CSPP1: variants seen among roughly 807,000 people sequenced by gnomAD.
CSPP1 encodes centrosome and spindle pole associated protein 1.
CSPP1 carries 126 observed loss-of-function variants against 164.4 expected under a neutral mutation model. The observed-to-expected ratio is 0.77, with a 90% CI of 0.66 to 0.89. CSPP1 has a LOEUF of 0.89. CSPP1 is among the 40% of genes least tolerant of loss of function. The probability of loss-of-function intolerance (pLI) is 0.00; values close to 1 mark genes in which losing one functional copy is unlikely to be tolerated. For synonymous variants in CSPP1, 472 were observed against 476.7 expected, an observed-to-expected ratio of 0.99 and a Z score of 0.13; for missense variants, 1,395 against 1,449.8, an observed-to-expected ratio of 0.96 and a Z score of 0.61.
At chr8:67,162,482 T>G (rs1416125133) in intron 22 of CSPP1, among the ~76,000 whole-genome samples, 1 of 152,214 alleles carries the variant, frequency 6.6e-6, no homozygotes, top group Non-Finnish European at 1.5e-5. Context: ...ACAGGCTAAT[T>G]AGCAGAAGGT....
intron 21 of CSPP1, among the ~76,000 whole-genome samples, chr8:67,161,337 A>G (rs919694754): frequency 6.6e-6 from 1 of 152,190 alleles, no homozygotes; most frequent in African/African-American, 2.4e-5. Context: ...TTAATACACT[A>G]TAAACTGAAA....
In CSPP1 at chr8:67,161,837, TC is replaced by T; in HGVS notation, c.2567del (p.Pro856LeufsTer54). 2 of 1,613,444 alleles carry T rather than the reference TC, an allele frequency of 1.2e-6. No individual in the cohort carries two copies. The highest frequency in any genetic ancestry group is 1.7e-6 in the Non-Finnish European group (2 of 1,179,708). ...ACATGAGACAGCCTTCTCCTATAGT[TC>T]CTGCTCTTCAGAACAAAATTGCAAG... ...KHMRQPSPIV[P>X]ALQNKIASKL... On this transcript the variant is annotated frameshift_variant, in exon 22 of 31. Coordinates refer to ENST00000678616, the MANE Select transcript of CSPP1 (RefSeq NM_001382391.1). LOFTEE classifies it high-confidence loss of function.
In CSPP1 at chr8:67,132,090, C is replaced by G. The variant is rs757078413; in HGVS notation, c.1827+10C>G. 1 of 1,609,052 alleles carries G rather than the reference C, an allele frequency of 6.2e-7. No individual in the cohort carries two copies. The highest frequency in any genetic ancestry group is 8.5e-7 in the Non-Finnish European group (1 of 1,177,448). On this transcript the variant is annotated intron_variant, in intron 16 of 30. Transcript: ENST00000678616. The stretch of plus-strand genomic sequence containing the variant: ...GGCTTTGCAGCAGCAGGTATTGATT[C>G]ATTTACTCATTTACTGTTGAACCTC...
chr8:67,074,775 TA>T, intron 2 of CSPP1: 1 of 313,770 alleles, frequency 3.2e-6, no homozygotes, highest in South Asian at 2.6e-5. Context: ...ATAAATTTCT[TA>T]AAATAATTGC....
chr8:67,146,339 T>C (rs757713150), intron 17 of CSPP1, among the ~76,000 whole-genome samples: 3 of 151,820 alleles, frequency 2.0e-5, no homozygotes, highest in Non-Finnish European at 4.4e-5. Context: ...GCCCAGCTGG[T>C]CTCAAACTCC....
intron 15 of CSPP1, among the ~76,000 whole-genome samples, chr8:67,125,990 G>A (rs1367187085): frequency 2.0e-5 from 3 of 152,134 alleles, no homozygotes; most frequent in East Asian, 1.9e-4. Context: ...GCGCCACCAC[G>A]CTTGGTTAAT....
At chr8:67,141,289 T>G (rs1416715041) in intron 17 of CSPP1, among the ~76,000 whole-genome samples, 1 of 152,134 alleles carries the variant, frequency 6.6e-6, no homozygotes, top group African/African-American at 2.4e-5. Flanking sequence ...AGAAAATGTT[T>G]CCACATTATT....
chr8:67,137,468 G>A lies in CSPP1; in HGVS notation c.1840G>A (p.Glu614Lys), dbSNP rs909832756. Residue 614 changes from glutamate to lysine, a missense_variant, in exon 17 of 31, where the codon GAA (glutamate) becomes AAA (lysine). Glu to Lys is a moderately conservative substitution (Grantham distance 56). Coordinates refer to ENST00000678616, the MANE Select transcript of CSPP1 (RefSeq NM_001382391.1). ...EALQQQIRER[E>K]ERRKKEREEK... The stretch of plus-strand genomic sequence containing the variant: ...TTATGTTGTCAAGATTCGGGAAAGA[G>A]AAGAAAGAAGGAAGAAAGAACGTGA... 6.6e-7 allele frequency: 1 copy of A among 1,520,610 alleles called. No individual in the cohort carries two copies. Among genetic ancestry groups the A allele is most frequent in the African/African-American group, 1.4e-5 (1 of 71,476 alleles). 94.2% of individuals were successfully genotyped at this position (1,520,610 alleles called of 1,614,324 possible). A position where few individuals can be genotyped will look rare whatever the true frequency, so the allele number is the denominator to read the frequency against.
intron 7 of CSPP1, among the ~76,000 whole-genome samples, chr8:67,101,193 G>A (rs1814033933): frequency 6.6e-6 from 1 of 152,140 alleles, no homozygotes; most frequent in South Asian, 2.1e-4. Flanking sequence ...ATTGTGGGAT[G>A]GTTACGTAGG....
At chr8:67,183,841 GA>G (rs1237809602) in intron 28 of CSPP1, among the ~76,000 whole-genome samples, 1 of 143,460 alleles carries the variant, frequency 7.0e-6, no homozygotes, top group Non-Finnish European at 1.5e-5. Context: ...AAAAAATTGG[GA>G]ATTTTTTTTT....
At chr8:67,075,708 G>A (rs1807773785) in intron 2 of CSPP1, among the ~76,000 whole-genome samples, 1 of 152,178 alleles carries the variant, frequency 6.6e-6, no homozygotes, top group Non-Finnish European at 1.5e-5. Context: ...CATGTACCAG[G>A]AATGCCAAGG....
chr8:67,131,003 C>CA (rs998362672), intron 15 of CSPP1, among the ~76,000 whole-genome samples: 1 of 151,836 alleles, frequency 6.6e-6, no homozygotes, highest in African/African-American at 2.4e-5. Context: ...CAAAAGAAAA[C>CA]AAAAAATTAT....
In CSPP1 at chr8:67,172,451, T is replaced by C. The variant is rs1162661826; in HGVS notation, c.2864T>C (p.Met955Thr). 3.7e-6 allele frequency: 6 copies of C among 1,613,040 alleles called. No homozygotes were observed. The highest frequency in any genetic ancestry group is 2.5e-6 in the Non-Finnish European group (3 of 1,179,146). Residue 955 changes from methionine (M) to threonine (T), a missense_variant, in exon 25 of 31, where the codon ATG (methionine) becomes ACG (threonine). Physicochemically the swap from Met to Thr is moderately conservative, Grantham distance 81. Transcript: ENST00000678616. ...KERNPMDIFD[M>T]ARHRLQAPVR... is the part of the protein sequence containing the mutation. ...AGGAATCCCATGGATATATTTGATA[T>C]GGCTAGACATCGGTTGCAAGCTCCT...
Position 67,196,411 on chromosome 8 carries a change from C to CATT in CSPP1, c.*819_*820insTTA, listed in dbSNP as rs755914243. The CATT allele has an allele frequency of 3.3e-5, 5 of 152,150 alleles. No homozygotes were observed. Among genetic ancestry groups the CATT allele is most frequent in the Non-Finnish European group, 7.4e-5 (5 of 68,022 alleles). 9.4% of individuals were successfully genotyped at this position (152,150 alleles called of 1,614,324 possible). On this transcript the variant is annotated 3_prime_UTR_variant, in exon 31 of 31. Transcript: ENST00000678616. ...AGTGAGTCCATGTGAGTTTTCTAAT[C>CATT]ACTCAGTAAGTGATACTTCTAAAAA... is the stretch of plus-strand genomic sequence containing the variant.
intron 3 of CSPP1, among the ~76,000 whole-genome samples, chr8:67,076,946 A>G (rs1410103642): frequency 6.6e-6 from 1 of 152,196 alleles, no homozygotes; most frequent in Non-Finnish European, 1.5e-5. Flanking sequence ...AAATATGCTT[A>G]AAGGGTACAA....
intron 13 of CSPP1, among the ~76,000 whole-genome samples, chr8:67,117,714 T>G (rs2129551228): frequency 1.3e-5 from 2 of 152,314 alleles, no homozygotes; most frequent in Admixed American, 1.3e-4. Flanking sequence ...TTGTCCTTCC[T>G]CTAACACACA....
intron 17 of CSPP1, among the ~76,000 whole-genome samples, chr8:67,148,643 T>C (rs1235342384): frequency 2.0e-5 from 3 of 152,250 alleles, no homozygotes; most frequent in Non-Finnish European, 4.4e-5. Context: ...CTAATTGTGA[T>C]TCATGTTCAA....
chr8:67,111,163 T>A (rs948175196), intron 9 of CSPP1, among the ~76,000 whole-genome samples: 1 of 152,184 alleles, frequency 6.6e-6, no homozygotes, highest in African/African-American at 2.4e-5. Context: ...TTCCAGATCT[T>A]GCATATTTAG....
chr8:67,160,597 A>C (rs570345690), intron 21 of CSPP1, among the ~76,000 whole-genome samples: 1 of 152,104 alleles, frequency 6.6e-6, no homozygotes, highest in Admixed American at 6.5e-5. Context: ...TTAATTGTAA[A>C]GTACCATAAA....
Sources: gnomAD v4.1 joint callset for allele counts (sites outside exome capture counted in the v4.1 genomes callset) on GRCh38, gnomAD v4.1.1 for gene constraint, MANE v1.5 for transcripts, NCBI Gene and HGNC (gene_info 2026-07-23, HGNC 2026-07-21) for gene names.